The following KCTD16 variants were observed in gnomAD, a reference collection of about 807,000 sequenced individuals.
KCTD16 encodes potassium channel tetramerization domain containing 16.
KCTD16 carries 13 observed loss-of-function variants against 33.2 expected under a neutral mutation model. The ratio of observed to expected loss-of-function variants is 0.39; its 90% CI spans 0.25 to 0.62. KCTD16 has a LOEUF of 0.62. KCTD16 is among the 20% of genes least tolerant of loss of function. The pLI, the probability that KCTD16 is intolerant of heterozygous loss-of-function variation, is 0.50. For synonymous variants in KCTD16, 197 were observed against 195.3 expected (o/e 1.01, Z -0.07); for missense variants, 441 against 525.1 (o/e 0.84, Z 1.57).
chr5:144,206,840 A>G lies in KCTD16; in HGVS notation c.126A>G (p.Thr42=). ...AAGTTTATTTTACTCGCCATTCCAC[A>G]TTGATAAGCATCCCTCATTCCCTCC... The part of the protein sequence containing the change: ...GGQVYFTRHS[T]LISIPHSLLW... The change falls in exon 3 of 4, where the codon ACA becomes ACG. Residue 42 remains threonine, a synonymous_variant. Transcript: ENST00000512467. 6.2e-6 allele frequency: 10 copies of G among 1,614,116 alleles called. No individual in the cohort carries two copies. The highest frequency in any genetic ancestry group is 8.5e-6 in the Non-Finnish European group (10 of 1,180,006).
chr5:144,200,642 TG>T (rs1454106699), intron 2 of KCTD16, among the ~76,000 whole-genome samples: 1 of 152,342 alleles, frequency 6.6e-6, no homozygotes, highest in East Asian at 1.9e-4. Flanking sequence ...TGAGGTTAAA[TG>T]GTTTGTCAAA....
chr5:144,418,281 T>C (rs189771615), intron 3 of KCTD16, among the ~76,000 whole-genome samples: 2 of 152,178 alleles, frequency 1.3e-5, no homozygotes, highest in East Asian at 1.9e-4. Flanking sequence ...CCGAGTGGGT[T>C]GCCAACGGGG....
At chr5:144,198,033 T>C (rs1475337299) in intron 2 of KCTD16, among the ~76,000 whole-genome samples, 1 of 152,202 alleles carries the variant, frequency 6.6e-6, no homozygotes, top group African/African-American at 2.4e-5. Flanking sequence ...TGAATACCTC[T>C]TTGTAGTAGT....
intron 3 of KCTD16, among the ~76,000 whole-genome samples, chr5:144,380,533 A>G (rs1480501500): frequency 6.6e-6 from 1 of 152,176 alleles, no homozygotes. Flanking sequence ...AACTAGCCAT[A>G]GCAATTCTAA....
At chr5:144,418,990 T>A (rs919725595) in intron 3 of KCTD16, among the ~76,000 whole-genome samples, 2 of 152,162 alleles carry the variant, frequency 1.3e-5, no homozygotes, top group African/African-American at 4.8e-5. Context: ...CACACTGTCT[T>A]TAGTTACACA....
At chr5:144,406,193 C>A (rs1485793411) in intron 3 of KCTD16, among the ~76,000 whole-genome samples, 1 of 152,134 alleles carries the variant, frequency 6.6e-6, no homozygotes, top group Non-Finnish European at 1.5e-5. Context: ...TAATGAAAGG[C>A]AGCCCACAGC....
chr5:144,348,562 A>C (rs1230383245), intron 3 of KCTD16, among the ~76,000 whole-genome samples: 3 of 152,190 alleles, frequency 2.0e-5, no homozygotes, highest in Admixed American at 1.3e-4. Flanking sequence ...AACTTGAGGA[A>C]CTCAAATAAA....
intron 3 of KCTD16, among the ~76,000 whole-genome samples, chr5:144,380,306 G>A (rs1752182983): frequency 6.6e-6 from 1 of 151,980 alleles, no homozygotes; most frequent in Non-Finnish European, 1.5e-5. Context: ...TATTTACAAT[G>A]AGAGTTACAA....
intron 2 of KCTD16, among the ~76,000 whole-genome samples, chr5:144,191,588 C>A (rs1752843281): frequency 6.6e-6 from 1 of 152,144 alleles, no homozygotes; most frequent in Non-Finnish European, 1.5e-5. Flanking sequence ...TCATTCCTCT[C>A]ATCCTCCCTC....
rs1430914618 is a variant in KCTD16 at position 144,202,581 on chromosome 5, T to G, written c.-326-3808T>G. On this transcript the variant is annotated intron_variant, in intron 2 of 3. Coordinates refer to ENST00000512467, the MANE Select transcript of KCTD16 (RefSeq NM_020768.4). Reference sequence around the variant, plus strand: ...ACCAAACCCCTGATCTCTCAGAAGGTGAGGGAGGCCTAGACCATCTTGCTT... The same window carrying G: ...ACCAAACCCCTGATCTCTCAGAAGGGGAGGGAGGCCTAGACCATCTTGCTT... Among the ~76,000 whole-genome samples, 3 of 152,130 alleles carry G rather than the reference T, an allele frequency of 2.0e-5. No homozygotes were observed. The East Asian group carries it at 5.8e-4, about 29-fold the overall frequency.
chr5:144,469,291 T>C (rs1324033074), intron 3 of KCTD16, among the ~76,000 whole-genome samples: 2 of 152,174 alleles, frequency 1.3e-5, no homozygotes, highest in African/African-American at 4.8e-5. Flanking sequence ...CCAGACACAG[T>C]ATGCGCTTGT....
chr5:144,175,466 A>T (rs1278529419), intron 2 of KCTD16, among the ~76,000 whole-genome samples: 3 of 152,238 alleles, frequency 2.0e-5, no homozygotes, highest in African/African-American at 7.2e-5. Flanking sequence ...TAGACATTTG[A>T]TAATTGCATC....
At chr5:144,260,020 A>T (rs1375625839) in intron 3 of KCTD16, among the ~76,000 whole-genome samples, 1 of 152,238 alleles carries the variant, frequency 6.6e-6, no homozygotes, top group Admixed American at 6.5e-5. Context: ...GTTGCATTTC[A>T]TCTTTCCAGT....
At chr5:144,304,720 C>T (rs1751547093) in intron 3 of KCTD16, among the ~76,000 whole-genome samples, 2 of 152,062 alleles carry the variant, frequency 1.3e-5, no homozygotes, top group Admixed American at 6.5e-5. Flanking sequence ...GATATTGGAA[C>T]GTTTTGGTCC....
intron 3 of KCTD16, among the ~76,000 whole-genome samples, chr5:144,362,837 C>T (rs762590728): frequency 1.3e-5 from 2 of 152,104 alleles, no homozygotes; most frequent in South Asian, 4.1e-4. Context: ...TCAGCCCAGC[C>T]TCAGCTTCCT....
At chr5:144,358,875 C>T (rs1367724432) in intron 3 of KCTD16, among the ~76,000 whole-genome samples, 2 of 152,170 alleles carry the variant, frequency 1.3e-5, no homozygotes, top group Non-Finnish European at 2.9e-5. Context: ...CTCCCATAGG[C>T]CCTACCTCCC....
At chr5:144,211,692 A>G (rs1395834537) in intron 3 of KCTD16, among the ~76,000 whole-genome samples, 2 of 152,156 alleles carry the variant, frequency 1.3e-5, no homozygotes, top group Admixed American at 6.5e-5. Context: ...TGAGTAAGGG[A>G]TATTCAACCT....
intron 1 of KCTD16, among the ~76,000 whole-genome samples, chr5:144,172,394 A>G (rs1752409991): frequency 6.6e-6 from 1 of 152,216 alleles, no homozygotes; most frequent in Non-Finnish European, 1.5e-5. Flanking sequence ...CGCCTCAGAC[A>G]TTTGTCATTG....
At chr5:144,336,488 A>G (rs1049247078) in intron 3 of KCTD16, among the ~76,000 whole-genome samples, 4 of 152,148 alleles carry the variant, frequency 2.6e-5, no homozygotes, top group Non-Finnish European at 5.9e-5. Flanking sequence ...TTTTACTTCT[A>G]TCAGCTTGAA....
Sources: gnomAD v4.1 joint callset for allele counts (sites outside exome capture counted in the v4.1 genomes callset) on GRCh38, gnomAD v4.1.1 for gene constraint, MANE v1.5 for transcripts, NCBI Gene and HGNC (gene_info 2026-07-23, HGNC 2026-07-21) for gene names.